The following CMC2 variants were observed in gnomAD, a reference collection of about 807,000 sequenced individuals.
CMC2 encodes C-X9-C motif containing 2.
A neutral mutation model predicts 7.5 loss-of-function variants in CMC2; 5 were observed. That is an observed-to-expected ratio of 0.66 (90% confidence interval 0.35 to 1.40). The LOEUF (loss-of-function observed/expected upper bound fraction) is 1.40, where lower values mean the gene tolerates loss of function less well. Ranked by LOEUF, CMC2 falls within the 40% of genes most tolerant of loss-of-function variation. The pLI is 0.04. For synonymous variants in CMC2, 37 were observed against 31.4 expected, an observed-to-expected ratio of 1.18 and a Z score of -0.60; for missense variants, 115 against 92.3, an observed-to-expected ratio of 1.25 and a Z score of -1.01.
chr16:80,976,292 G>A, intron 3 of CMC2, 113 bp from the exon 4 acceptor site: 7 of 587,780 alleles, frequency 1.2e-5, no homozygotes, highest in South Asian at 4.7e-5. Context: ...AGGTTAACAG[G>A]GTTTAAATTT....
intron 1 of CMC2, among the ~76,000 whole-genome samples, chr16:81,001,802 A>G (rs1968887723): frequency 6.6e-6 from 1 of 152,050 alleles, no homozygotes; most frequent in Non-Finnish European, 1.5e-5. Flanking sequence ...TGCAACTTAT[A>G]AAAATGCAGT....
At chr16:80,998,277 C>T (rs1219731956) in intron 1 of CMC2, 3 of 151,888 alleles carry the variant, frequency 2.0e-5, no homozygotes, top group African/African-American at 7.3e-5. Context: ...AAAGAAAGAA[C>T]CGATTACCTG....
chr16:81,006,160 G>C (rs531647920), intron 1 of CMC2, among the ~76,000 whole-genome samples: 1 of 151,714 alleles, frequency 6.6e-6, no homozygotes, highest in Non-Finnish European at 1.5e-5. Context: ...TTAAACGCAA[G>C]AAAAGCAAGA....
intron 2 of CMC2, among the ~76,000 whole-genome samples, chr16:80,988,891 T>C (rs940582664): frequency 2.0e-5 from 3 of 152,138 alleles, no homozygotes; most frequent in Non-Finnish European, 4.4e-5. Context: ...TTCATTACCT[T>C]AACATTTTAA....
chr16:80,988,328 G>C (rs550064830), intron 2 of CMC2, among the ~76,000 whole-genome samples: 52 of 152,276 alleles, frequency 3.4e-4, no homozygotes, highest in African/African-American at 1.2e-3. Context: ...TGACATCATA[G>C]CTCACTATAC....
chr16:80,970,840 T>G lies in CMC2; in HGVS notation c.*5253A>C, dbSNP rs1423863016. On this transcript the variant is annotated 3_prime_UTR_variant, in exon 4 of 4. Transcript: ENST00000219400. ...CTATAATCCCTGCTTTATAAAAAAA[T>G]TTTAAGAGATATTAGAATAAGTAAT... is the stretch of plus-strand genomic sequence containing the variant. 6.6e-6 allele frequency: 1 copy of G among 152,110 alleles called. No homozygotes were observed. Among genetic ancestry groups the G allele is most frequent in the South Asian group, 2.1e-4 (1 of 4,830 alleles). 9.4% of individuals were successfully genotyped at this position (152,110 alleles called of 1,614,324 possible). A position where few individuals can be genotyped will look rare whatever the true frequency, so the allele number is the denominator to read the frequency against.
chr16:80,988,929 T>C lies in CMC2; in HGVS notation c.82-7052A>G, dbSNP rs1597241450. On this transcript the variant is annotated intron_variant, in intron 2 of 3. Transcript: ENST00000219400. Reference sequence around the variant, plus strand: ...AGTACAGGCCAGTTATTTTGCAAAATGCTCCCCCACGTGGGTTTGTCTGGT... The same window carrying C: ...AGTACAGGCCAGTTATTTTGCAAAACGCTCCCCCACGTGGGTTTGTCTGGT... Among the ~76,000 whole-genome samples, 4 of 152,278 alleles carry C rather than the reference T, an allele frequency of 2.6e-5. No individual in the cohort carries two copies. The East Asian group carries it at 7.7e-4, about 29-fold the overall frequency.
chr16:80,973,094 G>A lies in CMC2; in HGVS notation c.*2999C>T, dbSNP rs1912043951. 2 of 152,276 alleles carry A rather than the reference G, an allele frequency of 1.3e-5. No homozygotes were observed. Among genetic ancestry groups the A allele is most frequent in the African/African-American group, 4.8e-5 (2 of 41,456 alleles). The allele number at this position is 152,276 out of a possible 1,614,324, so 9.4% of individuals were successfully genotyped here. ...ATTTCACTCTGATCTACAGCAGGCT[G>A]GGGAAAGTCAGCAAGGCTGATGAGA... is the stretch of plus-strand genomic sequence containing the variant. On this transcript the variant is annotated 3_prime_UTR_variant, in exon 4 of 4. Transcript: ENST00000219400.
intron 2 of CMC2, among the ~76,000 whole-genome samples, chr16:80,986,575 T>C (rs1280418356): frequency 2.0e-5 from 3 of 152,068 alleles, no homozygotes; most frequent in Non-Finnish European, 2.9e-5. Context: ...CAGATAGAAG[T>C]CCTTTACAGG....
Position 80,981,830 on chromosome 16 carries a change from C to T in CMC2, c.129G>A (p.Glu43=), listed in dbSNP as rs757104373. 4 of 1,610,440 alleles carry T rather than the reference C, an allele frequency of 2.5e-6. No individual in the cohort carries two copies. In the South Asian group the frequency reaches 3.3e-5, roughly 13 times the overall value. The change falls in exon 3 of 4, where the codon GAG becomes GAA. Residue 43 remains glutamate, a synonymous_variant. Coordinates refer to ENST00000219400, the MANE Select transcript of CMC2 (RefSeq NM_020188.5). ...CCTCATTCTTCAGGCATTTTCTCAA[C>T]TCCCGATCAACATCATTACAATAAC... is the stretch of plus-strand genomic sequence containing the variant. ...FFGYCNDVDR[E]LRKCLKNEYV...
chr16:80,998,146 GC>G, intron 1 of CMC2: 1 of 136,434 alleles, frequency 7.3e-6, no homozygotes, highest in South Asian at 2.3e-4. Flanking sequence ...TTGCTATGTT[GC>G]CCAGGCTGGT....
intron 1 of CMC2, among the ~76,000 whole-genome samples, chr16:81,000,080 T>C (rs969549502): frequency 7.9e-5 from 12 of 152,054 alleles, no homozygotes; most frequent in Non-Finnish European, 1.8e-4. Context: ...AAACTATGAA[T>C]AGAATAAAGA....
intron 1 of CMC2, among the ~76,000 whole-genome samples, chr16:81,003,451 TG>T (rs1467225443): frequency 2.0e-5 from 3 of 152,204 alleles, no homozygotes; most frequent in Non-Finnish European, 2.9e-5. Flanking sequence ...TAAATTCAGT[TG>T]AACCATGAGA....
chr16:81,006,846 C>T lies in CMC2; in HGVS notation c.-148G>A. The T allele has an allele frequency of 2.0e-6, 2 of 985,768 alleles. No individual in the cohort carries two copies. Among genetic ancestry groups the T allele is most frequent in the Non-Finnish European group, 2.4e-6 (2 of 830,202 alleles). The allele number at this position is 985,768 out of a possible 1,614,324, so 61.1% of individuals were successfully genotyped here. Reference sequence around the variant, plus strand: ...CTGAACCGCTTGCCAGACGCCGAAACCCAGTGACGCCCTCCACCGCTCCAC... The same window carrying T: ...CTGAACCGCTTGCCAGACGCCGAAATCCAGTGACGCCCTCCACCGCTCCAC... On this transcript the variant is annotated 5_prime_UTR_variant, in exon 1 of 4. Coordinates refer to ENST00000219400, the MANE Select transcript of CMC2 (RefSeq NM_020188.5).
intron 1 of CMC2, among the ~76,000 whole-genome samples, chr16:81,005,637 C>A (rs1042353366): frequency 1.2e-4 from 19 of 152,032 alleles, no homozygotes; most frequent in African/African-American, 4.6e-4. Flanking sequence ...GGCGCTGGCA[C>A]TGTAGACCCC....
In CMC2 at chr16:80,970,368, A is replaced by C. The variant is rs1445427915; in HGVS notation, c.*5725T>G. 1 of 152,204 alleles carries C rather than the reference A, an allele frequency of 6.6e-6. No homozygotes were observed. Among genetic ancestry groups the C allele is most frequent in the African/African-American group, 2.4e-5 (1 of 41,444 alleles). The allele number at this position is 152,204 out of a possible 1,614,324, so 9.4% of individuals were successfully genotyped here. The stretch of plus-strand genomic sequence containing the variant: ...GAGAAAATGCAGTATTTAGCTTTTG[A>C]GTTTCACAAATATGGGAAGGCACAC... On this transcript the variant is annotated 3_prime_UTR_variant, in exon 4 of 4. Transcript: ENST00000219400.
At chr16:80,999,772 C>T (rs1176455302) in intron 1 of CMC2, among the ~76,000 whole-genome samples, 2 of 152,184 alleles carry the variant, frequency 1.3e-5, no homozygotes, top group African/African-American at 2.4e-5. Flanking sequence ...TGATCTTTGA[C>T]AAAGTCAACA....
At chr16:80,995,453 C>T (rs1281747885) in intron 2 of CMC2, among the ~76,000 whole-genome samples, 2 of 151,968 alleles carry the variant, frequency 1.3e-5, no homozygotes, top group South Asian at 2.1e-4. Context: ...GTCAGGAGTT[C>T]GAGACCAGCC....
intron 3 of CMC2, chr16:80,978,379 T>C (rs1029061277): frequency 3.9e-6 from 5 of 1,270,958 alleles, no homozygotes; most frequent in Non-Finnish European, 5.1e-6. Context: ...TACATTAAAA[T>C]ATGCTAAGAC....
Sources: gnomAD v4.1 joint callset for allele counts (sites outside exome capture counted in the v4.1 genomes callset) on GRCh38, gnomAD v4.1.1 for gene constraint, MANE v1.5 for transcripts, NCBI Gene and HGNC (gene_info 2026-07-23, HGNC 2026-07-21) for gene names.